The following AUTS2 variants were observed in gnomAD, a reference collection of about 807,000 sequenced individuals.
AUTS2 encodes the protein activator of transcription and developmental regulator AUTS2, also known as autism susceptibility gene 2 protein.
A neutral mutation model predicts 112.4 loss-of-function variants in AUTS2; 17 were observed. The ratio of observed to expected loss-of-function variants is 0.15; its 90% confidence interval spans 0.10 to 0.23. The LOEUF is 0.23. AUTS2 is among the 10% of genes least tolerant of loss of function. The pLI is 1.00. For missense variants in AUTS2, 1,510 were observed against 1,701.6 expected, an observed-to-expected ratio of 0.89 and a Z score of 1.98; for synonymous variants, 751 against 702.7, an observed-to-expected ratio of 1.07 and a Z score of -1.09.
intron 4 of AUTS2, among the ~76,000 whole-genome samples, chr7:70,182,377 A>G (rs1424692186): frequency 6.6e-6 from 1 of 152,158 alleles, no homozygotes; most frequent in Non-Finnish European, 1.5e-5. Context: ...AGTTTTCAAG[A>G]TCCAAATGAA....
At chr7:69,904,787 A>G (rs1795091655) in intron 2 of AUTS2, among the ~76,000 whole-genome samples, 1 of 152,234 alleles carries the variant, frequency 6.6e-6, no homozygotes, top group African/African-American at 2.4e-5. Context: ...TTTAAGTTGC[A>G]TACTACTTTT....
At chr7:70,256,045 C>T (rs1337391918) in intron 4 of AUTS2, among the ~76,000 whole-genome samples, 2 of 152,094 alleles carry the variant, frequency 1.3e-5, no homozygotes, top group Non-Finnish European at 2.9e-5. Flanking sequence ...ATGGTGTTTC[C>T]ATTTGTGGCA....
chr7:70,597,408 G>A (rs552720755), intron 5 of AUTS2, among the ~76,000 whole-genome samples: 1 of 152,316 alleles, frequency 6.6e-6, no homozygotes, highest in South Asian at 2.1e-4. Flanking sequence ...TCATTTGAGA[G>A]TGCTTTTGCA....
At chr7:70,057,112 A>G (rs1802028728) in intron 2 of AUTS2, among the ~76,000 whole-genome samples, 1 of 152,078 alleles carries the variant, frequency 6.6e-6, no homozygotes, top group Admixed American at 6.5e-5. Flanking sequence ...TTGGGCTGAT[A>G]TTGTGGCTTC....
At chr7:70,056,234 C>T (rs1404769298) in intron 2 of AUTS2, among the ~76,000 whole-genome samples, 1 of 152,208 alleles carries the variant, frequency 6.6e-6, no homozygotes, top group Non-Finnish European at 1.5e-5. Flanking sequence ...ATCCATCCTC[C>T]TCATCTTCCC....
chr7:70,733,364 A>C (rs1309877915), intron 6 of AUTS2, among the ~76,000 whole-genome samples: 1 of 152,236 alleles, frequency 6.6e-6, no homozygotes, highest in Admixed American at 6.5e-5. Context: ...GGAAACTTAG[A>C]AACCCTCACT....
rs574189237 is a variant in AUTS2, at chr7:70,192,548, G to T, written c.660+57977G>T. Among the ~76,000 whole-genome samples the T allele has an allele frequency of 3.3e-5, 5 of 152,186 alleles. No homozygotes were observed. In the East Asian group the frequency reaches 9.7e-4, roughly 29 times the overall value. On this transcript the variant is annotated intron_variant, in intron 4 of 18. Coordinates refer to ENST00000342771, the MANE Select transcript of AUTS2 (RefSeq NM_015570.4). ...AACTTAAAATGAGAAGCTGAGAGGG[G>T]GCCAGAGCATGAAATAAGTAAGTAG... is the stretch of plus-strand genomic sequence containing the variant.
intron 5 of AUTS2, among the ~76,000 whole-genome samples, chr7:70,689,621 A>C (rs969731991): frequency 1.3e-5 from 2 of 151,664 alleles, no homozygotes; most frequent in African/African-American, 2.4e-5. Context: ...CTAAAAATAC[A>C]AAAAATTAGC....
intron 4 of AUTS2, among the ~76,000 whole-genome samples, chr7:70,331,165 A>G (rs1790727888): frequency 2.0e-5 from 3 of 152,108 alleles, no homozygotes; most frequent in Non-Finnish European, 4.4e-5. Context: ...TCAGCTGTGA[A>G]TCCGTCTGGT....
chr7:69,613,870 C>G (rs1174474107), intron 1 of AUTS2, among the ~76,000 whole-genome samples: 1 of 152,160 alleles, frequency 6.6e-6, no homozygotes, highest in Non-Finnish European at 1.5e-5. Flanking sequence ...TTCTTGATAT[C>G]TGTATCTTGA....
At chr7:70,057,690 T>TA (rs1802056208) in intron 2 of AUTS2, among the ~76,000 whole-genome samples, 1 of 152,216 alleles carries the variant, frequency 6.6e-6, no homozygotes, top group African/African-American at 2.4e-5. Flanking sequence ...CCAGGGTCCC[T>TA]AGACCCTCTG....
intron 1 of AUTS2, among the ~76,000 whole-genome samples, chr7:69,731,948 A>G (rs1402145514): frequency 6.6e-6 from 1 of 152,192 alleles, no homozygotes; most frequent in Non-Finnish European, 1.5e-5. Context: ...AGATTACGTT[A>G]AATAATGCAT....
chr7:70,004,247 G>A, intron 2 of AUTS2, among the ~76,000 whole-genome samples: 1 of 134,458 alleles, frequency 7.4e-6, no homozygotes, highest in East Asian at 2.1e-4. Flanking sequence ...ATATATGAAT[G>A]TGTTATATGT....
At chr7:70,224,984 A>G (rs916231243) in intron 4 of AUTS2, among the ~76,000 whole-genome samples, 1 of 152,240 alleles carries the variant, frequency 6.6e-6, no homozygotes, top group Non-Finnish European at 1.5e-5. Context: ...ATACAATGAC[A>G]GAATCATCTA....
intron 5 of AUTS2, among the ~76,000 whole-genome samples, chr7:70,600,269 T>C (rs533301362): frequency 1.6e-4 from 25 of 152,170 alleles, no homozygotes; most frequent in East Asian, 1.4e-3. Flanking sequence ...AGGTTTTTTG[T>C]TTTGTTTTGT....
intron 2 of AUTS2, among the ~76,000 whole-genome samples, chr7:70,024,188 G>A (rs924916860): frequency 5.9e-5 from 9 of 152,068 alleles, no homozygotes; most frequent in African/African-American, 2.2e-4. Flanking sequence ...AAACATTTTT[G>A]CCTGTCTTTA....
At chr7:70,689,637 A>G (rs11976473) in intron 5 of AUTS2, among the ~76,000 whole-genome samples, 3,488 of 151,896 alleles carry the variant, frequency 0.023, 157 homozygotes, top group African/African-American at 0.078. Context: ...TTAGCTGGGC[A>G]TGGTGGCGGG....
chr7:70,783,169 G>A (rs1212798738), intron 15 of AUTS2: 1 of 152,196 alleles, frequency 6.6e-6, no homozygotes, highest in Non-Finnish European at 1.5e-5. Context: ...TAATTAGCTT[G>A]CACTACACAG....
At chr7:70,243,595 G>A (rs532344186) in intron 4 of AUTS2, among the ~76,000 whole-genome samples, 1 of 152,074 alleles carries the variant, frequency 6.6e-6, no homozygotes, top group Non-Finnish European at 1.5e-5. Flanking sequence ...TTGAAAGAAA[G>A]TGATGAGTCA....
Sources: allele counts gnomAD v4.1 joint callset (sites outside exome capture counted in the v4.1 genomes callset), GRCh38; gene constraint gnomAD v4.1.1; transcripts MANE v1.5; gene names NCBI Gene and HGNC (gene_info 2026-07-23, HGNC 2026-07-21).